Variants in MACROD2 observed in about 807,000 individuals in gnomAD.
MACROD2 encodes the protein mono-ADP ribosylhydrolase 2.
A neutral mutation model predicts 70.4 loss-of-function variants in MACROD2; 36 were observed. The ratio of observed to expected loss-of-function variants is 0.51; its 90% CI spans 0.39 to 0.68. The LOEUF is 0.68. Among genes scored for constraint, MACROD2 ranks in the 30% least tolerant of loss-of-function variants. MACROD2 has a pLI of 0.00. For synonymous variants in MACROD2, 172 were observed against 178.8 expected, an observed-to-expected ratio of 0.96 and a Z score of 0.30; for missense variants, 496 against 538.4, an observed-to-expected ratio of 0.92 and a Z score of 0.78.
chr20:14,130,548 A>G (rs1316979816), intron 3 of MACROD2, among the ~76,000 whole-genome samples: 1 of 152,194 alleles, frequency 6.6e-6, no homozygotes, highest in Non-Finnish European at 1.5e-5. Context: ...TGTCTCAAAA[A>G]AAAAGAAAGA....
At chr20:14,582,509 C>T (rs2145006) in intron 4 of MACROD2, among the ~76,000 whole-genome samples, 97,564 of 151,830 alleles carry the variant, frequency 0.64, 32,897 homozygotes, top group East Asian at 0.93. Flanking sequence ...CCAAACTGTG[C>T]AGCAAACATT....
intron 7 of MACROD2, among the ~76,000 whole-genome samples, chr20:15,493,690 A>C (rs2047259495): frequency 1.3e-5 from 2 of 152,334 alleles, no homozygotes; most frequent in South Asian, 4.1e-4. Flanking sequence ...TAAAAAGTAA[A>C]TAGAGAGGAA....
intron 5 of MACROD2, among the ~76,000 whole-genome samples, chr20:14,738,030 A>G (rs1452289991): frequency 2.0e-5 from 3 of 151,058 alleles, no homozygotes; most frequent in Admixed American, 1.3e-4. Context: ...TAGTTGCTAT[A>G]TACATATTTC....
chr20:15,987,185 C>T (rs1205886940), intron 15 of MACROD2, 27 bp downstream of exon 15: 1 of 1,535,156 alleles, frequency 6.5e-7, no homozygotes, highest in Non-Finnish European at 8.9e-7. Context: ...ATTAACCCAT[C>T]AAGAATGGAG....
At chr20:16,036,036 T>C (rs2067230919) in intron 15 of MACROD2, among the ~76,000 whole-genome samples, 3 of 151,978 alleles carry the variant, frequency 2.0e-5, no homozygotes, top group Admixed American at 2.0e-4. Flanking sequence ...CATTATCTAA[T>C]CCAATTACAT....
chr20:14,230,669 C>CCATATATATATATATATATATA lies in MACROD2; in HGVS notation c.271+144941_271+144942insCATATATATATATATATATATA, dbSNP rs1388842581. Among the ~76,000 whole-genome samples the CCATATATATATATATATATATA allele has an allele frequency of 2.1e-3, 191 of 92,850 alleles. 12 individuals are homozygous for CCATATATATATATATATATATA. Among genetic ancestry groups the CCATATATATATATATATATATA allele is most frequent in the Non-Finnish European group, 2.0e-3 (105 of 51,688 alleles). 60.9% of individuals were successfully genotyped at this position (92,850 alleles called of 152,430 possible). On this transcript the variant is annotated intron_variant, in intron 3 of 17. Coordinates refer to ENST00000684519, the MANE Select transcript of MACROD2 (RefSeq NM_001351661.2). ...TATATATATATAACACAGGCTGGGC[C>CCATATATATATATATATATATA]TATATATATATATATATATATATAT...
At chr20:15,590,437 A>G (rs77231373) in intron 8 of MACROD2, among the ~76,000 whole-genome samples, 1 of 152,178 alleles carries the variant, frequency 6.6e-6, no homozygotes, top group Non-Finnish European at 1.5e-5. Context: ...ATTTCTATAC[A>G]TGGAGCTTCT....
At chr20:14,166,633 A>AT (rs932674901) in intron 3 of MACROD2, among the ~76,000 whole-genome samples, 8 of 151,876 alleles carry the variant, frequency 5.3e-5, no homozygotes, top group African/African-American at 1.7e-4. Flanking sequence ...TCTGAAATCA[A>AT]TTTTTTTCAC....
chr20:14,111,593 C>G (rs2054452109), intron 3 of MACROD2, among the ~76,000 whole-genome samples: 1 of 151,916 alleles, frequency 6.6e-6, no homozygotes, highest in South Asian at 2.1e-4. Context: ...AAATGTCAAA[C>G]AGGCATATGA....
intron 5 of MACROD2, among the ~76,000 whole-genome samples, chr20:14,858,779 C>T (rs964502641): frequency 6.6e-6 from 1 of 152,030 alleles, no homozygotes; most frequent in East Asian, 1.9e-4. Context: ...CGTAGCAATG[C>T]GACTTTAAAC....
At chr20:14,356,498 C>CTTTTTTTTT (rs71190132) in intron 3 of MACROD2, among the ~76,000 whole-genome samples, 3 of 76,786 alleles carry the variant, frequency 3.9e-5, no homozygotes, top group Non-Finnish European at 5.1e-5. Flanking sequence ...GATCTACTTT[C>CTTTTTTTTT]TTTTTTTTTT....
intron 5 of MACROD2, among the ~76,000 whole-genome samples, chr20:14,744,706 A>G (rs1215102625): frequency 6.6e-6 from 1 of 152,176 alleles, no homozygotes; most frequent in Non-Finnish European, 1.5e-5. Context: ...GTGCTTTTGC[A>G]TTCGACTTGC....
intron 5 of MACROD2, among the ~76,000 whole-genome samples, chr20:15,228,643 C>G (rs1210339293): frequency 2.6e-5 from 4 of 151,884 alleles, no homozygotes; most frequent in Non-Finnish European, 5.9e-5. Flanking sequence ...GCACACACCA[C>G]CACGCCTGGC....
rs2077705479 is a variant in MACROD2 at position 15,307,109 on chromosome 20, C to CACATTT, written c.540+77048_540+77049insACATTT. The stretch of plus-strand genomic sequence containing the variant: ...AAACACCTCCCACTAGGCCCCCACT[C>CACATTT]CAACACTGGGGATCACATTTCAACA... On this transcript the variant is annotated intron_variant, in intron 6 of 17. Coordinates refer to ENST00000684519, the MANE Select transcript of MACROD2 (RefSeq NM_001351661.2). Among the ~76,000 whole-genome samples the CACATTT allele has an allele frequency of 5.3e-5, 8 of 152,148 alleles. 1 individual carries two copies. The highest frequency in any genetic ancestry group is 1.2e-4 in the Non-Finnish European group (8 of 68,016).
At chr20:14,354,152 T>C (rs1472360094) in intron 3 of MACROD2, among the ~76,000 whole-genome samples, 3 of 152,222 alleles carry the variant, frequency 2.0e-5, no homozygotes, top group African/African-American at 7.2e-5. Context: ...TTTTTAGATA[T>C]TTATAGACCC....
chr20:15,704,140 G>A (rs928365668), intron 8 of MACROD2, among the ~76,000 whole-genome samples: 1 of 150,990 alleles, frequency 6.6e-6, no homozygotes, highest in Admixed American at 6.6e-5. Context: ...ATGTTTGTTT[G>A]TTTATTTATT....
Position 15,694,073 on chromosome 20 carries a change from C to A in MACROD2, c.646-168672C>A, listed in dbSNP as rs76351327. On this transcript the variant is annotated intron_variant, in intron 8 of 17. Coordinates refer to ENST00000684519, the MANE Select transcript of MACROD2 (RefSeq NM_001351661.2). ...TTCCTTTTTATGGCTGCATAGTATT[C>A]CATCATATATATATCTCACAGTTTC... Among the ~76,000 whole-genome samples, 916 of 152,232 alleles carry A rather than the reference C, an allele frequency of 6.0e-3. 13 individuals carry two copies. Among genetic ancestry groups the A allele is most frequent in the African/African-American group, 0.021 (888 of 41,544 alleles).
intron 4 of MACROD2, among the ~76,000 whole-genome samples, chr20:14,630,892 GTTTTGT>G (rs57968173): frequency 4.0e-5 from 6 of 150,768 alleles, no homozygotes; most frequent in Non-Finnish European, 8.9e-5. Context: ...AGATTCTTGA[GTTTTGT>G]TTTTGTTTTT....
At chr20:15,098,278 T>C (rs1190531035) in intron 5 of MACROD2, among the ~76,000 whole-genome samples, 1 of 152,194 alleles carries the variant, frequency 6.6e-6, no homozygotes, top group Non-Finnish European at 1.5e-5. Flanking sequence ...TCACAGATTA[T>C]GCAGTGAGTC....
Sources: gnomAD v4.1 joint callset for allele counts (sites outside exome capture counted in the v4.1 genomes callset) on GRCh38, gnomAD v4.1.1 for gene constraint, MANE v1.5 for transcripts, NCBI Gene and HGNC (gene_info 2026-07-23, HGNC 2026-07-21) for gene names.